The following ASAP1 variants were observed in gnomAD, a reference collection of about 807,000 sequenced individuals.
ASAP1 encodes the protein arf-GAP with SH3 domain, ANK repeat and PH domain-containing protein 1.
A neutral mutation model predicts 145.2 loss-of-function variants in ASAP1; 43 were observed. The ratio of observed to expected loss-of-function variants is 0.30; its 90% CI spans 0.23 to 0.38. The LOEUF (loss-of-function observed/expected upper bound fraction) is 0.38. Among genes scored for constraint, ASAP1 ranks in the 10% least tolerant of loss-of-function variants. The pLI, the probability that ASAP1 is intolerant of heterozygous loss-of-function variation, is 1.00. For synonymous variants in ASAP1, 546 were observed against 515.5 expected (o/e 1.06, Z -0.80); for missense variants, 1,018 against 1,355.3 (o/e 0.75, Z 3.91).
chr8:130,098,989 T>G (rs1271688464), intron 24 of ASAP1, among the ~76,000 whole-genome samples: 3 of 147,008 alleles, frequency 2.0e-5, no homozygotes, highest in Admixed American at 6.8e-5. Context: ...TAATATAAGC[T>G]CAATACTCTC....
intron 13 of ASAP1, among the ~76,000 whole-genome samples, chr8:130,137,512 GC>G (rs2097597794): frequency 1.3e-5 from 2 of 152,272 alleles, no homozygotes; most frequent in South Asian, 4.1e-4. Flanking sequence ...ATGAAATGTA[GC>G]TGAGCTATAT....
At chr8:130,201,507 G>C (rs1022933557) in intron 5 of ASAP1, among the ~76,000 whole-genome samples, 11 of 152,096 alleles carry the variant, frequency 7.2e-5, no homozygotes, top group African/African-American at 2.7e-4. Flanking sequence ...GTAAATGGTG[G>C]GTTAGATTTA....
At chr8:130,432,741 C>T (rs1830180641) in intron 1 of ASAP1, among the ~76,000 whole-genome samples, 1 of 152,104 alleles carries the variant, frequency 6.6e-6, no homozygotes, top group African/African-American at 2.4e-5. Flanking sequence ...TTTCTTCCTA[C>T]ATGTCTCTTT....
intron 3 of ASAP1, among the ~76,000 whole-genome samples, chr8:130,349,174 T>A (rs1415937734): frequency 6.6e-6 from 1 of 152,222 alleles, no homozygotes; most frequent in Non-Finnish European, 1.5e-5. Flanking sequence ...GACAGTCTGC[T>A]TCAGATCAAA....
intron 4 of ASAP1, among the ~76,000 whole-genome samples, chr8:130,224,275 T>C (rs1037046415): frequency 6.6e-6 from 1 of 152,220 alleles, no homozygotes; most frequent in African/African-American, 2.4e-5. Flanking sequence ...CCATGTAATA[T>C]GTGACATAAA....
chr8:130,269,886 C>T (rs1337194386), intron 3 of ASAP1, among the ~76,000 whole-genome samples: 1 of 152,190 alleles, frequency 6.6e-6, no homozygotes, highest in African/African-American at 2.4e-5. Context: ...AGTTAAATAT[C>T]AGGCCAGGCA....
At chr8:130,244,537 T>C (rs1359572427) in intron 3 of ASAP1, among the ~76,000 whole-genome samples, 1 of 152,140 alleles carries the variant, frequency 6.6e-6, no homozygotes, top group Non-Finnish European at 1.5e-5. Context: ...AAAATATGTC[T>C]CATCATTTCC....
At chr8:130,122,816 T>A (rs1361156627) in intron 18 of ASAP1, among the ~76,000 whole-genome samples, 1 of 152,244 alleles carries the variant, frequency 6.6e-6, no homozygotes, top group Non-Finnish European at 1.5e-5. Context: ...CAGGTGGCGC[T>A]GATGCTGCTT....
chr8:130,121,763 T>A (rs12679149), intron 18 of ASAP1, among the ~76,000 whole-genome samples: 96,360 of 135,776 alleles, frequency 0.71, 33,802 homozygotes, highest in South Asian at 0.78. Flanking sequence ...CAGCCTAGGC[T>A]ATGAGAGTGA....
chr8:130,425,628 C>A (rs1461028628), intron 1 of ASAP1, among the ~76,000 whole-genome samples: 1 of 152,142 alleles, frequency 6.6e-6, no homozygotes, highest in Non-Finnish European at 1.5e-5. Context: ...AAAGGTTAAG[C>A]ATAAGGGGGA....
intron 4 of ASAP1, among the ~76,000 whole-genome samples, chr8:130,231,040 A>T (rs1043864554): frequency 5.3e-5 from 8 of 152,334 alleles, no homozygotes; most frequent in Middle Eastern, 3.4e-3. Context: ...TTTGGTTACA[A>T]AAACATTTGC....
intron 3 of ASAP1, among the ~76,000 whole-genome samples, chr8:130,317,105 T>A (rs1217861535): frequency 6.6e-6 from 1 of 151,444 alleles, no homozygotes; most frequent in African/African-American, 2.4e-5. Context: ...TTTTTTTTAA[T>A]CTCTACAGCT....
At chr8:130,083,080 T>C (rs533392069) in intron 25 of ASAP1, 3 of 152,354 alleles carry the variant, frequency 2.0e-5, no homozygotes, top group African/African-American at 7.2e-5. Context: ...ATGAGTAAAT[T>C]TGAGACCAAC....
intron 4 of ASAP1, among the ~76,000 whole-genome samples, chr8:130,221,694 T>C (rs958961988): frequency 6.6e-5 from 10 of 152,170 alleles, no homozygotes; most frequent in African/African-American, 2.4e-4. Flanking sequence ...CCTGTTAATT[T>C]GTCTTTTGTC....
At chr8:130,273,152 G>A (rs886095268) in intron 3 of ASAP1, among the ~76,000 whole-genome samples, 2 of 152,092 alleles carry the variant, frequency 1.3e-5, no homozygotes, top group African/African-American at 4.8e-5. Flanking sequence ...GAACAGAGGG[G>A]CTAATCTAAT....
intron 5 of ASAP1, among the ~76,000 whole-genome samples, chr8:130,192,284 T>C (rs1020100995): frequency 6.7e-5 from 10 of 148,340 alleles, no homozygotes; most frequent in African/African-American, 2.5e-4. Context: ...CCACAGTATA[T>C]AACTGATATC....
In ASAP1 at chr8:130,054,717, G is replaced by C. The variant is rs1219599229; in HGVS notation, c.*14C>G. The C allele has an allele frequency of 1.2e-6, 2 of 1,609,758 alleles. No homozygotes were observed. Among genetic ancestry groups the C allele is most frequent in the South Asian group, 1.1e-5 (1 of 90,982 alleles). On this transcript the variant is annotated 3_prime_UTR_variant, in exon 30 of 30. Coordinates refer to ENST00000518721, the MANE Select transcript of ASAP1 (RefSeq NM_018482.4). Reference sequence around the variant, plus strand: ...GCATGAAGGATGTGGACAATCTTAAGGTTCTGCGTTTTGCTAGTCAGACAG... The same window carrying C: ...GCATGAAGGATGTGGACAATCTTAACGTTCTGCGTTTTGCTAGTCAGACAG...
At chr8:130,108,053 G>A (rs2097540562) in intron 24 of ASAP1, among the ~76,000 whole-genome samples, 1 of 152,124 alleles carries the variant, frequency 6.6e-6, no homozygotes, top group Non-Finnish European at 1.5e-5. Flanking sequence ...CTACCTGTTG[G>A]CAAGGGTAGC....
At chr8:130,136,258 C>A (rs989942150) in intron 14 of ASAP1, among the ~76,000 whole-genome samples, 2 of 152,164 alleles carry the variant, frequency 1.3e-5, no homozygotes, top group African/African-American at 2.4e-5. Flanking sequence ...ACTCTTTACA[C>A]ACTATGAGGG....
Sources: allele counts gnomAD v4.1 joint callset (sites outside exome capture counted in the v4.1 genomes callset), GRCh38; gene constraint gnomAD v4.1.1; transcripts MANE v1.5; gene names NCBI Gene and HGNC (gene_info 2026-07-23, HGNC 2026-07-21).